RPL22: variants seen among roughly 807,000 people sequenced by gnomAD.
The protein encoded by RPL22 is large ribosomal subunit protein eL22.
RPL22 carries 4 observed loss-of-function variants against 16.2 expected under a neutral mutation model. The observed-to-expected ratio is 0.25, with a 90% confidence interval of 0.12 to 0.57. RPL22 has a LOEUF of 0.57. RPL22 is among the 20% of genes least tolerant of loss of function. RPL22 has a pLI of 0.92. For missense variants in RPL22, 83 were observed against 156.1 expected, an observed-to-expected ratio of 0.53 and a Z score of 2.49; for synonymous variants, 43 against 54.8, an observed-to-expected ratio of 0.78 and a Z score of 0.95.
intron 3 of RPL22, among the ~76,000 whole-genome samples, chr1:6,188,967 TA>T (rs148911927): frequency 0.23 from 34,481 of 152,048 alleles, 8,657 homozygotes; most frequent in African/African-American, 0.62. Flanking sequence ...GTATTTTTAG[TA>T]AGAGACGGGG....
At position 6,199,566 on chromosome 1, in the gene RPL22, G is replaced by A. The variant is rs1312688359; in HGVS notation, c.8C>T (p.Pro3Leu). Residue 3 changes from proline (P) to leucine (L), a missense_variant, in exon 1 of 4, where the codon CCT becomes CTT. Transcript: ENST00000234875. MA[P>L]VKKLVVKGGK... Reference sequence around the variant, plus strand: ...CTCACGCGGAGCCATACTAACCACAGGAGCCATGGCGGCAGCGGAGTTAGA... The same window carrying A: ...CTCACGCGGAGCCATACTAACCACAAGAGCCATGGCGGCAGCGGAGTTAGA... The A allele has an allele frequency of 1.6e-5, 25 of 1,567,892 alleles. No individual in the cohort carries two copies. Among genetic ancestry groups the A allele is most frequent in the South Asian group, 2.4e-5 (2 of 85,032 alleles).
chr1:6,185,515 C>T lies in RPL22; in HGVS notation c.*1157G>A. On this transcript the variant is annotated 3_prime_UTR_variant, in exon 4 of 4. Coordinates refer to ENST00000234875, the MANE Select transcript of RPL22 (RefSeq NM_000983.4). ...ATGTTTAATGGGAGCCAAGGTAGGA[C>T]TGAGCATTGAACTTCCAGCTATGCA... 2.5e-6 allele frequency: 1 copy of T among 396,954 alleles called. No homozygotes were observed. The highest frequency in any genetic ancestry group is 4.4e-6 in the Non-Finnish European group (1 of 225,228). The allele number at this position is 396,954 out of a possible 1,614,324, so 24.6% of individuals were successfully genotyped here.
chr1:6,192,848 C>A, intron 3 of RPL22, 82 bp downstream of exon 3: 1 of 1,542,284 alleles, frequency 6.5e-7, no homozygotes. Flanking sequence ...AATCACTCTG[C>A]GGGTGCCCCC....
chr1:6,185,644 ACT>A lies in RPL22; in HGVS notation c.*1026_*1027del, dbSNP rs1245724173. 6.0e-6 allele frequency: 2 copies of A among 335,352 alleles called. No individual in the cohort carries two copies. The highest frequency in any genetic ancestry group is 4.2e-5 in the African/African-American group (2 of 47,616). The allele number at this position is 335,352 out of a possible 1,614,324, so 20.8% of individuals were successfully genotyped here. A position where few individuals can be genotyped will look rare whatever the true frequency, so the allele number is the denominator to read the frequency against. ...ATTCTAATGCAGACACTTTTGCATT[ACT>A]GTTTGAATTTCAGAAGGGCACCACA... On this transcript the variant is annotated 3_prime_UTR_variant, in exon 4 of 4. Coordinates refer to ENST00000234875, the MANE Select transcript of RPL22 (RefSeq NM_000983.4).
Position 6,185,397 on chromosome 1 carries a change from G to T in RPL22, c.*1275C>A, listed in dbSNP as rs1571183057. The T allele has an allele frequency of 5.0e-6, 2 of 398,914 alleles. No individual in the cohort carries two copies. Among genetic ancestry groups the T allele is most frequent in the African/African-American group, 4.1e-5 (2 of 48,622 alleles). 24.7% of individuals were successfully genotyped at this position (398,914 alleles called of 1,614,324 possible). On this transcript the variant is annotated 3_prime_UTR_variant, in exon 4 of 4. Coordinates refer to ENST00000234875, the MANE Select transcript of RPL22 (RefSeq NM_000983.4). Reference sequence around the variant, plus strand: ...AATATGCAAGCAATTCTGCTTCAAAGAAATTTGCATAGAAATGGAAAAATG... The same window carrying T: ...AATATGCAAGCAATTCTGCTTCAAATAAATTTGCATAGAAATGGAAAAATG...
At position 6,187,623 on chromosome 1, in the gene RPL22, A is replaced by C. The variant is rs1337011949; in HGVS notation, c.243-807T>G. Among the ~76,000 whole-genome samples the C allele has an allele frequency of 4.0e-5, 6 of 151,036 alleles. No homozygotes were observed. The East Asian group carries it at 1.2e-3, about 29-fold the overall frequency. The stretch of plus-strand genomic sequence containing the variant: ...AGCAAGACTCCATCTCAAAAAAAAA[A>C]AAACAAAAAAAAAAAACAAGAGCAG... On this transcript the variant is annotated intron_variant, in intron 3 of 3. Coordinates refer to ENST00000234875, the MANE Select transcript of RPL22 (RefSeq NM_000983.4).
intron 2 of RPL22, among the ~76,000 whole-genome samples, chr1:6,196,642 G>T (rs1393630943): frequency 6.6e-6 from 1 of 152,066 alleles, no homozygotes; most frequent in African/African-American, 2.4e-5. Context: ...AGAGGAAAAA[G>T]AATAAAATGT....
At chr1:6,190,681 A>T (rs948109175) in intron 3 of RPL22, among the ~76,000 whole-genome samples, 17 of 152,194 alleles carry the variant, frequency 1.1e-4, no homozygotes, top group African/African-American at 4.1e-4. Flanking sequence ...CTAACAGGCC[A>T]CAGCCCCAGG....
At chr1:6,189,483 C>G (rs754755125) in intron 3 of RPL22, among the ~76,000 whole-genome samples, 1 of 151,404 alleles carries the variant, frequency 6.6e-6, no homozygotes, top group Non-Finnish European at 1.5e-5. Context: ...CTGTTTGAGC[C>G]AGGAGATGGA....
chr1:6,193,323 A>ATT (rs755169791), intron 2 of RPL22, among the ~76,000 whole-genome samples: 124 of 133,110 alleles, frequency 9.3e-4, no homozygotes, highest in South Asian at 9.0e-3. Flanking sequence ...TGACTTTACA[A>ATT]TTTTTTTTTT....
intron 2 of RPL22, among the ~76,000 whole-genome samples, chr1:6,195,199 A>C (rs551010892): frequency 4.6e-5 from 7 of 151,600 alleles, no homozygotes; most frequent in African/African-American, 1.5e-4. Context: ...TAATCCCAAC[A>C]CTTTGGGAGC....
intron 3 of RPL22, among the ~76,000 whole-genome samples, chr1:6,188,099 C>G (rs1225592976): frequency 6.6e-6 from 1 of 152,128 alleles, no homozygotes; most frequent in Non-Finnish European, 1.5e-5. Context: ...TTCTGTGGCC[C>G]AGGCTCACTG....
intron 3 of RPL22, among the ~76,000 whole-genome samples, chr1:6,191,998 C>CAAA (rs548085787): frequency 4.5e-5 from 3 of 67,150 alleles, no homozygotes; most frequent in South Asian, 4.7e-4. Context: ...GACTCGGTTT[C>CAAA]AAAAAAAAAA....
At chr1:6,196,398 T>C (rs1379454976) in intron 2 of RPL22, among the ~76,000 whole-genome samples, 1 of 152,216 alleles carries the variant, frequency 6.6e-6, no homozygotes, top group Admixed American at 6.5e-5. Context: ...AGGGGATTTC[T>C]TGAAGGACAC....
At chr1:6,193,103 C>A in intron 2 of RPL22, 49 bp from the exon 3 acceptor site, 2 of 1,605,654 alleles carry the variant, frequency 1.2e-6, no homozygotes, top group Non-Finnish European at 1.7e-6. Context: ...TCATCTGTCT[C>A]AACAGAATAT....
At chr1:6,199,365 C>G in intron 1 of RPL22, 197 bp downstream of exon 1, 5 of 1,326,106 alleles carry the variant, frequency 3.8e-6, no homozygotes, top group Non-Finnish European at 2.9e-6. Flanking sequence ...ATCTCCCTCA[C>G]GAGCCTCGGG....
At chr1:6,197,782 G>C (rs1349894476) in intron 1 of RPL22, 26 bp from the exon 2 acceptor site, 7 of 1,483,996 alleles carry the variant, frequency 4.7e-6, no homozygotes, top group Admixed American at 1.7e-5. Flanking sequence ...AATGATAACA[G>C]AGATGAAGTT....
At chr1:6,191,844 G>A (rs1250815462) in intron 3 of RPL22, among the ~76,000 whole-genome samples, 2 of 148,684 alleles carry the variant, frequency 1.3e-5, no homozygotes, top group African/African-American at 2.5e-5. Flanking sequence ...CTAAAAATAC[G>A]AAAAATTAGC....
intron 3 of RPL22, among the ~76,000 whole-genome samples, chr1:6,190,667 G>A (rs1014423686): frequency 6.6e-6 from 1 of 152,146 alleles, no homozygotes; most frequent in Non-Finnish European, 1.5e-5. Context: ...ATGATTAAAA[G>A]CTCCTAACAG....
Sources: gnomAD v4.1 joint callset for allele counts (sites outside exome capture counted in the v4.1 genomes callset) on GRCh38, gnomAD v4.1.1 for gene constraint, MANE v1.5 for transcripts, NCBI Gene and HGNC (gene_info 2026-07-23, HGNC 2026-07-21) for gene names.